KIF16B: variants seen among roughly 807,000 people sequenced by gnomAD.
The protein encoded by KIF16B is kinesin family member 16B, also known as kinesin-like protein KIF16B.
A neutral mutation model predicts 156.3 loss-of-function variants in KIF16B; 98 were observed. The observed-to-expected ratio is 0.63, with a 90% CI of 0.53 to 0.74. The LOEUF is 0.74. Among genes scored for constraint, KIF16B ranks in the 30% least tolerant of loss-of-function variants. KIF16B has a pLI of 0.00. For missense variants in KIF16B, 1,421 were observed against 1,606.5 expected (o/e 0.88, Z 1.97); for synonymous variants, 564 against 583.7 (o/e 0.97, Z 0.49).
At chr20:16,543,380 T>C (rs2070279495) in intron 1 of KIF16B, among the ~76,000 whole-genome samples, 1 of 152,100 alleles carries the variant, frequency 6.6e-6, no homozygotes, top group African/African-American at 2.4e-5. Flanking sequence ...CCAACCGAGG[T>C]GCTCCTCTTC....
intron 1 of KIF16B, among the ~76,000 whole-genome samples, chr20:16,551,132 C>CTT (rs11474777): frequency 0.33 from 45,702 of 138,818 alleles, 7,580 homozygotes; most frequent in Non-Finnish European, 0.34. Context: ...GCTTTCTCTT[C>CTT]TTTTTTTTTT....
intron 17 of KIF16B, among the ~76,000 whole-genome samples, chr20:16,388,985 C>T (rs1040623297): frequency 1.8e-4 from 28 of 152,074 alleles, no homozygotes; most frequent in African/African-American, 6.3e-4. Context: ...GGGAGGGTAA[C>T]GGAAGCTGAG....
intron 24 of KIF16B, among the ~76,000 whole-genome samples, chr20:16,334,785 C>T (rs75686487): frequency 0.15 from 22,294 of 152,120 alleles, 1,738 homozygotes; most frequent in Admixed American, 0.16. Flanking sequence ...CTTCATATTC[C>T]ACCATGATTG....
chr20:16,382,142 G>A (rs190197480), intron 17 of KIF16B: 183 of 1,344,588 alleles, frequency 1.4e-4, no homozygotes, highest in Non-Finnish European at 1.7e-4. Flanking sequence ...TGCCAGGGAG[G>A]TGGAGAGAGA....
At chr20:16,274,724 T>C (rs1428016148) in intron 25 of KIF16B, among the ~76,000 whole-genome samples, 1 of 152,180 alleles carries the variant, frequency 6.6e-6, no homozygotes, top group Admixed American at 6.5e-5. Flanking sequence ...TGGTGGCAGT[T>C]TTGAGTGTCA....
In KIF16B at chr20:16,468,432, C is replaced by T. The variant is rs149119874; in HGVS notation, c.1302+25859G>A. Among the ~76,000 whole-genome samples the T allele has an allele frequency of 3.1e-3, 477 of 151,738 alleles. 3 individuals carry two copies. Among genetic ancestry groups the T allele is most frequent in the East Asian group, 0.02 (102 of 5,150 alleles). On this transcript the variant is annotated intron_variant, in intron 12 of 25. Transcript: ENST00000354981. ...ATCACAAATACACAAAAAAATTAGC[C>T]GGGCATGGTGGTGGGTGCCTGTAAT...
chr20:16,431,890 C>G (rs906147618), intron 12 of KIF16B, among the ~76,000 whole-genome samples: 1 of 126,790 alleles, frequency 7.9e-6, no homozygotes, highest in Non-Finnish European at 1.7e-5. Flanking sequence ...TATATATATA[C>G]TATCCATTTA....
chr20:16,348,696 G>A (rs760507869), intron 23 of KIF16B, among the ~76,000 whole-genome samples: 3 of 152,174 alleles, frequency 2.0e-5, no homozygotes, highest in Admixed American at 6.5e-5. Flanking sequence ...AGCTTATGAG[G>A]TATAGGCAAA....
At position 16,370,601 on chromosome 20, in the gene KIF16B, A is replaced by C. The variant is rs528813610; in HGVS notation, c.3483T>G (p.Arg1161=). The change falls in exon 22 of 26, where the codon CGT becomes CGG. Residue 1161 remains arginine (R), a synonymous_variant. Coordinates refer to ENST00000354981, the MANE Select transcript of KIF16B (RefSeq NM_024704.5). The part of the protein sequence containing the change: ...NEKLHNGTIQ[R]KLKYERMVSR... The stretch of plus-strand genomic sequence containing the variant: ...CATTACCTACCTCATATTTTAGTTT[A>C]CGTTGAATGGTGCCATTGTGAAGTT... 2 of 1,580,752 alleles carry C rather than the reference A, an allele frequency of 1.3e-6. No homozygotes were observed. Among genetic ancestry groups the C allele is most frequent in the South Asian group, 2.4e-5 (2 of 84,154 alleles).
At chr20:16,550,888 T>G (rs6044110) in intron 1 of KIF16B, among the ~76,000 whole-genome samples, 1 of 151,728 alleles carries the variant, frequency 6.6e-6, no homozygotes, top group Non-Finnish European at 1.5e-5. Flanking sequence ...AGAACGGGTG[T>G]TCTAAAACAT....
intron 22 of KIF16B, chr20:16,367,252 G>C (rs1480137523): frequency 6.2e-7 from 1 of 1,612,832 alleles, no homozygotes; most frequent in South Asian, 1.1e-5. Context: ...AAGATACAAT[G>C]GGGTGGTGAA....
chr20:16,432,136 C>T (rs1232683726), intron 12 of KIF16B, among the ~76,000 whole-genome samples: 1 of 151,892 alleles, frequency 6.6e-6, no homozygotes, highest in Non-Finnish European at 1.5e-5. Flanking sequence ...CCCATCTGAC[C>T]CCAGACAAAA....
At chr20:16,563,655 A>G (rs901801331) in intron 1 of KIF16B, among the ~76,000 whole-genome samples, 4 of 152,078 alleles carry the variant, frequency 2.6e-5, no homozygotes, top group African/African-American at 7.2e-5. Flanking sequence ...AAAGAAACAC[A>G]TACACACTCG....
At chr20:16,456,838 A>G (rs1002473390) in intron 12 of KIF16B, among the ~76,000 whole-genome samples, 1 of 152,174 alleles carries the variant, frequency 6.6e-6, no homozygotes, top group Non-Finnish European at 1.5e-5. Context: ...TTAGTGACCT[A>G]TGAATGCTGC....
chr20:16,294,912 C>T (rs2063361836), intron 25 of KIF16B, among the ~76,000 whole-genome samples: 1 of 152,166 alleles, frequency 6.6e-6, no homozygotes, highest in Admixed American at 6.5e-5. Flanking sequence ...CCATCTTTTG[C>T]TCCTGGCCTC....
chr20:16,356,235 A>G (rs2064438944), intron 23 of KIF16B, 95 bp downstream of exon 23: 1 of 1,473,384 alleles, frequency 6.8e-7, no homozygotes, highest in African/African-American at 1.4e-5. Context: ...GGATATTCAC[A>G]TGCAGCTTCA....
chr20:16,512,326 C>T (rs2068981061), intron 5 of KIF16B, among the ~76,000 whole-genome samples: 1 of 152,140 alleles, frequency 6.6e-6, no homozygotes, highest in Admixed American at 6.5e-5. Flanking sequence ...GACCACAAAG[C>T]AGTCAAGTAG....
intron 1 of KIF16B, among the ~76,000 whole-genome samples, chr20:16,571,107 A>ACATC (rs2122225231): frequency 6.6e-6 from 1 of 152,240 alleles, no homozygotes; most frequent in East Asian, 1.9e-4. Context: ...GTAACTCTCC[A>ACATC]CATCCAAGAG....
intron 3 of KIF16B, among the ~76,000 whole-genome samples, chr20:16,520,227 C>G (rs956548650): frequency 6.6e-6 from 1 of 151,820 alleles, no homozygotes; most frequent in African/African-American, 2.4e-5. Flanking sequence ...GCCAAGTGGT[C>G]TAGCTCAGCA....
Sources: allele counts gnomAD v4.1 joint callset (sites outside exome capture counted in the v4.1 genomes callset), GRCh38; gene constraint gnomAD v4.1.1; transcripts MANE v1.5; gene names NCBI Gene and HGNC (gene_info 2026-07-23, HGNC 2026-07-21).